The following SP110 variants were observed in gnomAD, a reference collection of about 807,000 sequenced individuals.
SP110 encodes SP110 nuclear body protein, also known as interferon-induced protein 41, 30kD.
Under a neutral mutation model 92.7 loss-of-function variants are expected in SP110, and 62 were observed. That is an observed-to-expected ratio of 0.67 (90% CI 0.55 to 0.83). The LOEUF is 0.83. Ranked by LOEUF, SP110 falls within the 40% of genes least tolerant of loss-of-function variation. The probability of loss-of-function intolerance (pLI) is 0.00; values close to 1 mark genes in which losing one functional copy is unlikely to be tolerated. For synonymous variants in SP110, 273 were observed against 305.3 expected (o/e 0.89, Z 1.10); for missense variants, 793 against 863.9 (o/e 0.92, Z 1.03).
At position 230,212,899 on chromosome 2, in the gene SP110, A is replaced by G. The variant is rs754539400; in HGVS notation, c.445T>C (p.Cys149Arg). Residue 149 changes from cysteine to arginine, a missense_variant, in exon 4 of 19, where the codon TGT (cysteine) becomes CGT (arginine). By Grantham distance (180) the Cys-to-Arg change is radical. Coordinates refer to ENST00000258381, the MANE Select transcript of SP110 (RefSeq NM_080424.4). ...CTGACTCTTGGCGCACAGGGTGAAC[A>G]GCTTGGTTGAGGGGGTTGTGGTGGG... ...LPPPQPPQPS[C>R]SPCAPRVSEP... 2 of 1,613,956 alleles carry G rather than the reference A, an allele frequency of 1.2e-6. No individual in the cohort carries two copies. Among genetic ancestry groups the G allele is most frequent in the Non-Finnish European group, 1.7e-6 (2 of 1,179,974 alleles).
In SP110 at chr2:230,166,741, A is replaced by T. The variant is rs1169442176; in HGVS notation, c.*2383T>A. On this transcript the variant is annotated 3_prime_UTR_variant, in exon 19 of 19. Coordinates refer to ENST00000258381, the MANE Select transcript of SP110 (RefSeq NM_080424.4). Reference sequence around the variant, plus strand: ...ACTGTTGGAGAAGGGAGACACCAATACAGAACCGAGGAAGACAAGGAAGAA... The same window carrying T: ...ACTGTTGGAGAAGGGAGACACCAATTCAGAACCGAGGAAGACAAGGAAGAA... Among the ~76,000 whole-genome samples, 1 of 152,200 alleles carries T rather than the reference A, an allele frequency of 6.6e-6. No homozygotes were observed. Among genetic ancestry groups the T allele is most frequent in the African/African-American group, 2.4e-5 (1 of 41,454 alleles).
chr2:230,208,314 G>C (rs889510805), intron 7 of SP110, among the ~76,000 whole-genome samples: 2 of 152,200 alleles, frequency 1.3e-5, no homozygotes. Flanking sequence ...ATGAAGGAGA[G>C]AGATATGGAA....
intron 3 of SP110, 32 bp from the exon 4 acceptor site, chr2:230,213,059 C>T: frequency 6.2e-7 from 1 of 1,610,450 alleles, no homozygotes; most frequent in Non-Finnish European, 8.5e-7. Flanking sequence ...ACATCAGTAC[C>T]CTGGAGACTC....
intron 10 of SP110, among the ~76,000 whole-genome samples, chr2:230,194,894 TG>T (rs2042794332): frequency 6.6e-6 from 1 of 152,116 alleles, no homozygotes; most frequent in Non-Finnish European, 1.5e-5. Flanking sequence ...CTTCCTTTGT[TG>T]GGGAGTCTAC....
chr2:230,181,875 A>T (rs1338757594), intron 12 of SP110, among the ~76,000 whole-genome samples: 2 of 152,262 alleles, frequency 1.3e-5, no homozygotes, highest in South Asian at 4.1e-4. Context: ...TAGTTTAACC[A>T]TTGTGAAAGA....
chr2:230,179,935 G>A (rs2042052401), intron 12 of SP110, among the ~76,000 whole-genome samples: 1 of 152,152 alleles, frequency 6.6e-6, no homozygotes, highest in South Asian at 2.1e-4. Flanking sequence ...GACTTCCAAA[G>A]CCAACTGTCC....
chr2:230,177,886 G>A (rs2041939241), intron 13 of SP110, among the ~76,000 whole-genome samples: 1 of 152,236 alleles, frequency 6.6e-6, no homozygotes, highest in Non-Finnish European at 1.5e-5. Flanking sequence ...GGGTGGGACA[G>A]AATGTGCATT....
intron 10 of SP110, among the ~76,000 whole-genome samples, chr2:230,199,031 A>G (rs1001939769): frequency 6.6e-6 from 1 of 152,070 alleles, no homozygotes; most frequent in South Asian, 2.1e-4. Context: ...TGATGGAGCC[A>G]CATGCTGAGG....
chr2:230,195,933 A>G (rs923584825), intron 10 of SP110, among the ~76,000 whole-genome samples: 4 of 152,198 alleles, frequency 2.6e-5, no homozygotes, highest in African/African-American at 4.8e-5. Flanking sequence ...AAAATAAGCA[A>G]AAAATATAAG....
chr2:230,212,446 A>G lies in SP110; in HGVS notation c.584-16T>C. The stretch of plus-strand genomic sequence containing the variant: ...TCATTGGTCACTGAAGGAGGAAAGG[A>G]AATTATTACAGATTGCAGGGACTGG... On this transcript the variant is annotated splice_polypyrimidine_tract_variant and intron_variant, in intron 4 of 18. Coordinates refer to ENST00000258381, the MANE Select transcript of SP110 (RefSeq NM_080424.4). The G allele has an allele frequency of 6.4e-7, 1 of 1,565,586 alleles. No homozygotes were observed. The highest frequency in any genetic ancestry group is 8.8e-7 in the Non-Finnish European group (1 of 1,135,748).
At chr2:230,183,681 G>A in intron 11 of SP110, 41 bp from the exon 12 acceptor site, 1 of 1,208,004 alleles carries the variant, frequency 8.3e-7, no homozygotes, top group East Asian at 2.3e-5. Flanking sequence ...TACAAACATA[G>A]ATTTATAAGC....
intron 14 of SP110, among the ~76,000 whole-genome samples, chr2:230,175,945 C>CT (rs34906767): frequency 0.12 from 15,122 of 130,664 alleles, 1,250 homozygotes; most frequent in Middle Eastern, 0.14. Flanking sequence ...CTGCAGCATT[C>CT]TTTTTTTTTT....
chr2:230,165,380 C>A lies in SP110; in HGVS notation c.*3744G>T, dbSNP rs907588367. 3.9e-5 allele frequency among the ~76,000 whole-genome samples: 6 copies of A among 152,268 alleles called. No individual in the cohort carries two copies. The highest frequency in any genetic ancestry group is 1.2e-4 in the African/African-American group (5 of 41,538). ...ATGGAGAAGTCGTGTCAAGAAAAGA[C>A]CAGCAGGGAATCTTAAACAGTGAAA... On this transcript the variant is annotated 3_prime_UTR_variant, in exon 19 of 19. Transcript: ENST00000258381.
chr2:230,216,616 C>G (rs1382728464), intron 2 of SP110, among the ~76,000 whole-genome samples, 165 bp downstream of exon 2: 2 of 152,216 alleles, frequency 1.3e-5, no homozygotes, highest in East Asian at 3.8e-4. Context: ...AACATAGCCC[C>G]TATGACACCC....
At chr2:230,193,553 G>A (rs1320424112) in intron 10 of SP110, among the ~76,000 whole-genome samples, 2 of 152,182 alleles carry the variant, frequency 1.3e-5, no homozygotes, top group Admixed American at 1.3e-4. Context: ...TGGTCTGGTA[G>A]TGACAAATTC....
In SP110 at chr2:230,187,164, A is replaced by AT. The variant is rs554810133; in HGVS notation, c.1130-1022dup. 2.7e-4 allele frequency among the ~76,000 whole-genome samples: 41 copies of AT among 150,576 alleles called. 1 individual carries two copies. In the Middle Eastern group the frequency reaches 0.017, roughly 63 times the overall value. ...TTTCACCACGTCCATGTTAACATCTATTTTTTTTTGACTTCTTAATAATGG... is the reference window on the plus strand; with the variant it reads ...TTTCACCACGTCCATGTTAACATCTATTTTTTTTTTGACTTCTTAATAATGG... On this transcript the variant is annotated intron_variant, in intron 10 of 18. Transcript: ENST00000258381.
chr2:230,216,740 G>T (rs201151047), intron 2 of SP110, 41 bp downstream of exon 2: 20 of 1,611,460 alleles, frequency 1.2e-5, no homozygotes, highest in East Asian at 8.9e-5. Flanking sequence ...AGGCATATTG[G>T]TGGGGGCTGG....
At chr2:230,225,169 CT>C (rs2046176798) in intron 1 of SP110, among the ~76,000 whole-genome samples, 1 of 152,192 alleles carries the variant, frequency 6.6e-6, no homozygotes, top group Non-Finnish European at 1.5e-5. Flanking sequence ...CCAGTCACCC[CT>C]GGCTGCTGTT....
At chr2:230,203,859 G>A (rs951262059) in intron 8 of SP110, among the ~76,000 whole-genome samples, 1 of 152,148 alleles carries the variant, frequency 6.6e-6, no homozygotes, top group Non-Finnish European at 1.5e-5. Context: ...ATGGGGAGTT[G>A]TTTAATGGGT....
Sources: allele counts gnomAD v4.1 joint callset (sites outside exome capture counted in the v4.1 genomes callset), GRCh38; gene constraint gnomAD v4.1.1; transcripts MANE v1.5; gene names NCBI Gene and HGNC (gene_info 2026-07-23, HGNC 2026-07-21).